The following RBMX variants were observed in gnomAD, a reference collection of about 807,000 sequenced individuals.
The protein encoded by RBMX is RNA-binding motif protein, X chromosome.
In RBMX, 1 loss-of-function variant was observed where a neutral mutation model predicts 29.3. The ratio of observed to expected loss-of-function variants is 0.03; its 90% CI spans 0.01 to 0.16. The LOEUF (loss-of-function observed/expected upper bound fraction) is 0.16. Ranked by LOEUF, RBMX falls within the 10% of genes least tolerant of loss-of-function variation. The pLI is 1.00. For synonymous variants in RBMX, 102 were observed against 102.3 expected, an observed-to-expected ratio of 1.00 and a Z score of 0.02; for missense variants, 121 against 333.2, an observed-to-expected ratio of 0.36 and a Z score of 4.96.
At chrX:136,879,208 A>G in intron 2 of RBMX, 85 bp from the exon 3 acceptor site, 1 of 1,201,298 alleles carries the variant, frequency 8.3e-7, no homozygotes, top group South Asian at 1.8e-5. Flanking sequence ...AAAGCTCAGA[A>G]CTTCTTAGAG....
chrX:136,873,777 T>G lies in RBMX; in HGVS notation c.*365A>C. On this transcript the variant is annotated 3_prime_UTR_variant, in exon 9 of 9. Coordinates refer to ENST00000320676, the MANE Select transcript of RBMX (RefSeq NM_002139.4). ...TTGTTTGTATAGGTAGAATGATTCA[T>G]CTCTCCATTTTAGATGGCTAGATGT... is the stretch of plus-strand genomic sequence containing the variant. 9.3e-6 allele frequency: 7 copies of G among 755,684 alleles called. No individual in the cohort carries two copies. Among genetic ancestry groups the G allele is most frequent in the Non-Finnish European group, 1.1e-5 (7 of 628,601 alleles). The allele number at this position is 755,684 out of a possible 1,213,427, so 62.3% of individuals were successfully genotyped here.
chrX:136,872,208 A>G, downstream of RBMX: 1 of 922,554 alleles, frequency 1.1e-6, no homozygotes, highest in Non-Finnish European at 1.5e-6. Context: ...TGTCACAGCT[A>G]AACTAAATGG....
intron 8 of RBMX, 181 bp downstream of exon 8, chrX:136,874,905 A>C (rs1336687944): frequency 1.1e-6 from 1 of 892,459 alleles, no homozygotes; most frequent in African/African-American, 2.1e-5. Flanking sequence ...CAGCCTCAAA[A>C]GAAACTTAGA....
chrX:136,879,448 G>C lies in RBMX; in HGVS notation c.-21C>G, dbSNP rs781489347. 1.9e-6 allele frequency: 2 copies of C among 1,059,422 alleles called. No individual in the cohort carries two copies. The highest frequency in any genetic ancestry group is 2.3e-5 in the Admixed American group (1 of 43,044). The allele number at this position is 1,059,422 out of a possible 1,213,427, so 87.3% of individuals were successfully genotyped here. On this transcript the variant is annotated 5_prime_UTR_variant, in exon 2 of 9. Transcript: ENST00000320676. Reference sequence around the variant, plus strand: ...ACCATGTTTTTTTTTTTTTGGGCCGGTGAGTCTGTTGAAAAGGAATAGTAT... The same window carrying C: ...ACCATGTTTTTTTTTTTTTGGGCCGCTGAGTCTGTTGAAAAGGAATAGTAT...
At chrX:136,878,141 C>G in intron 3 of RBMX, 55 bp from the exon 4 acceptor site, 1 of 988,511 alleles carries the variant, frequency 1.0e-6, no homozygotes, top group Non-Finnish European at 1.4e-6. Context: ...ATTTGCACAT[C>G]TACTATGCAC....
Position 136,880,657 on chromosome X carries a change from T to G in RBMX, c.-87A>C, listed in dbSNP as rs1474878423. The G allele has an allele frequency of 3.2e-5, 4 of 123,838 alleles. No homozygotes were observed. The highest frequency in any genetic ancestry group is 9.6e-5 in the African/African-American group (3 of 31,175). 10.2% of individuals were successfully genotyped at this position (123,838 alleles called of 1,213,427 possible). On this transcript the variant is annotated 5_prime_UTR_variant, in exon 1 of 9. Coordinates refer to ENST00000320676, the MANE Select transcript of RBMX (RefSeq NM_002139.4). ...TCGGCGATAGGGGCTTCCTAGCAGC[T>G]CAGCACCAGTGGCGGCTGCCGGGTG...
intron 5 of RBMX, 46 bp from the exon 6 acceptor site, chrX:136,875,631 T>C (rs1263064044): frequency 7.6e-6 from 9 of 1,182,769 alleles, no homozygotes; most frequent in East Asian, 6.0e-5. Flanking sequence ...GAGAAAAAAG[T>C]TAAAACGTGA....
At chrX:136,877,886 C>G in intron 4 of RBMX, 29 bp downstream of exon 4, 18 of 1,146,089 alleles carry the variant, frequency 1.6e-5, no homozygotes, top group Non-Finnish European at 2.1e-5. Context: ...AACTTATACA[C>G]CAAACCCGAG....
intron 1 of RBMX, 56 bp from the exon 2 acceptor site, chrX:136,879,509 C>T (rs1240476642): frequency 7.4e-6 from 7 of 950,263 alleles, no homozygotes; most frequent in Non-Finnish European, 1.0e-5. Context: ...GTTTATTGGA[C>T]ACTTTTACTT....
chrX:136,875,582 G>A lies in RBMX; in HGVS notation c.545C>T (p.Pro182Leu), dbSNP rs1405014517. 8.3e-7 allele frequency: 1 copy of A among 1,198,517 alleles called. No homozygotes were observed. The highest frequency in any genetic ancestry group is 1.1e-6 in the Non-Finnish European group (1 of 892,124). ...RSSSGMGGRA[P>L]VSRGRDSYGG... is the part of the protein sequence containing the mutation. ...ATAACTATCTCTTCCACGTGATACA[G>A]GAGCTTAAGGAAAAATATCATTTTT... Residue 182 changes from proline to leucine, a missense_variant, in exon 6 of 9, where the codon CCT (proline) becomes CTT (leucine). Around this residue, in one of 2 missense-constraint regions of RBMX, gnomAD observed 114 missense variants for 260.0 expected, o/e 0.44. Transcript: ENST00000320676.
At chrX:136,878,934 G>C in intron 3 of RBMX, 83 bp downstream of exon 3, 1 of 1,137,924 alleles carries the variant, frequency 8.8e-7, no homozygotes, top group Non-Finnish European at 1.2e-6. Context: ...AAACTCAAAA[G>C]CTGTCCTAGA....
At chrX:136,869,984 T>C (rs1175087015), downstream of RBMX, 1 of 112,338 alleles carries the variant, frequency 8.9e-6, no homozygotes, top group African/African-American at 3.2e-5. Flanking sequence ...ACAACTAAAC[T>C]GTTTGTGGAT....
chrX:136,871,459 AAG>A (rs1428714090), downstream of RBMX, among the ~76,000 whole-genome samples: 1 of 108,028 alleles, frequency 9.3e-6, no homozygotes, highest in African/African-American at 3.4e-5. Context: ...AAAAAAAAAA[AAG>A]GTAATATTGA....
At position 136,876,125 on chromosome X, in the gene RBMX, G is replaced by GTT. The variant is rs778800086; in HGVS notation, c.541+376_541+377dup. Among the ~76,000 whole-genome samples, 358 of 77,659 alleles carry GTT rather than the reference G, an allele frequency of 4.6e-3. 5 individuals carry two copies. The highest frequency in any genetic ancestry group is 0.014 in the African/African-American group (268 of 19,843). The allele number at this position is 77,659 out of a possible 115,157, so 67.4% of individuals were successfully genotyped here. A position where few individuals can be genotyped will look rare whatever the true frequency, so the allele number is the denominator to read the frequency against. ...TCCATGAATAAAGTTTTTTTTTTTT[G>GTT]TTTTTTTTTTTTTTTTGGAGACAGA... On this transcript the variant is annotated intron_variant, in intron 5 of 8. Transcript: ENST00000320676.
chrX:136,875,408 T>C (rs762006543), intron 6 of RBMX, 25 bp from the exon 7 acceptor site: 4 of 1,207,653 alleles, frequency 3.3e-6, no homozygotes, highest in Non-Finnish European at 4.5e-6. Context: ...TTTTGGTTTA[T>C]GCTTTTGATA....
chrX:136,875,733 C>A, intron 5 of RBMX, 148 bp from the exon 6 acceptor site: 1 of 847,991 alleles, frequency 1.2e-6, no homozygotes, highest in Non-Finnish European at 1.6e-6. Flanking sequence ...TACAATTTCC[C>A]ATTCATATTT....
At chrX:136,871,304 G>A (rs1181458239), downstream of RBMX, among the ~76,000 whole-genome samples, 1 of 106,472 alleles carries the variant, frequency 9.4e-6, no homozygotes, top group African/African-American at 3.4e-5. Context: ...AGCCGGGCGT[G>A]GCAGTGTGCA....
chrX:136,878,127 A>G, intron 3 of RBMX, 41 bp from the exon 4 acceptor site: 1 of 1,077,053 alleles, frequency 9.3e-7, no homozygotes, highest in Non-Finnish European at 1.2e-6. Context: ...AAGATTTAAA[A>G]ATAATTTGCA....
At chrX:136,876,717 T>C (rs1233890580) in intron 4 of RBMX, 62 bp from the exon 5 acceptor site, 10 of 424,223 alleles carry the variant, frequency 2.4e-5, no homozygotes, top group Non-Finnish European at 3.2e-5. Flanking sequence ...GATATAAAAG[T>C]TTTTTTTTTT....
Sources: gnomAD v4.1 joint callset for allele counts (sites outside exome capture counted in the v4.1 genomes callset) on GRCh38, gnomAD v4.1.1 for gene constraint, gnomAD v4.1.1 regional missense constraint, MANE v1.5 for transcripts, NCBI Gene and HGNC (gene_info 2026-07-23, HGNC 2026-07-21) for gene names.